The following MAP1B variants were observed in gnomAD, a reference collection of about 807,000 sequenced individuals.
MAP1B encodes the protein microtubule associated protein 1B.
MAP1B carries 12 observed loss-of-function variants against 176.1 expected under a neutral mutation model. The ratio of observed to expected loss-of-function variants is 0.07; its 90% CI spans 0.04 to 0.11. The LOEUF (loss-of-function observed/expected upper bound fraction) is 0.11. Ranked by LOEUF, MAP1B falls within the 10% of genes least tolerant of loss-of-function variation. The pLI is 1.00. For synonymous variants in MAP1B, 1,044 were observed against 1,135.0 expected, an observed-to-expected ratio of 0.92 and a Z score of 1.61; for missense variants, 2,523 against 2,990.5, an observed-to-expected ratio of 0.84 and a Z score of 3.65.
intron 1 of MAP1B, among the ~76,000 whole-genome samples, chr5:72,111,428 AG>A (rs1299501054): frequency 3.3e-5 from 5 of 152,218 alleles, no homozygotes; most frequent in South Asian, 2.1e-4. Flanking sequence ...TTTAGATAAA[AG>A]TTTAGCTGAT....
chr5:72,183,903 C>A, intron 3 of MAP1B, 78 bp downstream of exon 3: 1 of 1,227,188 alleles, frequency 8.1e-7, no homozygotes, highest in Non-Finnish European at 1.2e-6. Flanking sequence ...AAGGGCTGGG[C>A]AAATGGGGGC....
At chr5:72,116,456 A>T (rs930038297) in intron 2 of MAP1B, 4 of 421,212 alleles carry the variant, frequency 9.5e-6, no homozygotes, top group African/African-American at 6.2e-5. Flanking sequence ...AATTAAAGGT[A>T]AGGATGCAAA....
chr5:72,186,702 A>C lies in MAP1B; in HGVS notation c.458A>C (p.Gln153Pro). 6.2e-7 allele frequency: 1 copy of C among 1,614,098 alleles called. No homozygotes were observed. The stretch of plus-strand genomic sequence containing the variant: ...GAAAATACCGGAGAGCTCATTCTCC[A>C]GTCCGGCTCTTTCTCCTTCCAGAAC... ...CFENTGELIL[Q>P]SGSFSFQNFI... Residue 153 changes from glutamine to proline, a missense_variant, in exon 4 of 7, where the codon CAG becomes CCG. Around this residue, in one of 4 missense-constraint regions of MAP1B, gnomAD observed 307 missense variants for 438.4 expected, o/e 0.70. Transcript: ENST00000296755. The surrounding 1 kb of genome is among the most constrained non-coding windows in gnomAD (Gnocchi z 4.3).
At chr5:72,168,339 T>C (rs1746470269) in intron 2 of MAP1B, among the ~76,000 whole-genome samples, 1 of 152,218 alleles carries the variant, frequency 6.6e-6, no homozygotes, top group East Asian at 1.9e-4. Context: ...ATTTGGTCCA[T>C]TTTTCTCTAG....
At position 72,198,716 on chromosome 5, in the gene MAP1B, C is replaced by T; in HGVS notation, c.5361C>T (p.Leu1787=). 1.2e-6 allele frequency: 2 copies of T among 1,614,196 alleles called. No homozygotes were observed. The highest frequency in any genetic ancestry group is 1.7e-6 in the Non-Finnish European group (2 of 1,180,044). The change falls in exon 5 of 7, where the codon CTC becomes CTT. Residue 1787 remains leucine, a synonymous_variant. Coordinates refer to ENST00000296755, the MANE Select transcript of MAP1B (RefSeq NM_005909.5). ...CTCCAAAATCTGATATCTCTCCACTCACCCCACGAGAGTCCTCTCCTTTAT... is the reference window on the plus strand; with the variant it reads ...CTCCAAAATCTGATATCTCTCCACTTACCCCACGAGAGTCCTCTCCTTTAT... ...KLSPKSDISP[L]TPRESSPLYS... is the part of the protein sequence containing the mutation.
At chr5:72,162,392 TG>T (rs144086236) in intron 2 of MAP1B, among the ~76,000 whole-genome samples, 3 of 151,716 alleles carry the variant, frequency 2.0e-5, no homozygotes, top group Non-Finnish European at 2.9e-5. Context: ...GTAACATGAC[TG>T]GGGGGGCATC....
Position 72,198,978 on chromosome 5 carries a change from C to G in MAP1B, c.5623C>G (p.Pro1875Ala). The G allele has an allele frequency of 6.2e-7, 1 of 1,614,096 alleles. No individual in the cohort carries two copies. Among genetic ancestry groups the G allele is most frequent in the Non-Finnish European group, 8.5e-7 (1 of 1,180,004 alleles). The change falls in exon 5 of 7, where the codon CCT becomes GCT. Residue 1875 changes from proline (P) to alanine (A), a missense_variant. This residue lies in a region of MAP1B where 1,925 missense variants were observed against 2,126.0 expected (regional missense o/e 0.91). Coordinates refer to ENST00000296755, the MANE Select transcript of MAP1B (RefSeq NM_005909.5). ...PGDFSYAYQKPEETTRSPDEE... is the reference protein window; with the variant it reads ...PGDFSYAYQKAEETTRSPDEE... ...TGACTTTAGCTATGCCTATCAAAAGCCTGAGGAAACAACCAGGTCCCCAGA... is the reference window on the plus strand; with the variant it reads ...TGACTTTAGCTATGCCTATCAAAAGGCTGAGGAAACAACCAGGTCCCCAGA...
intron 2 of MAP1B, among the ~76,000 whole-genome samples, chr5:72,157,218 G>A (rs936080153): frequency 6.6e-6 from 1 of 152,056 alleles, no homozygotes; most frequent in African/African-American, 2.4e-5. Flanking sequence ...CAAAGATGTT[G>A]TTTTTCACTC....
chr5:72,158,629 A>G (rs1746273147), intron 2 of MAP1B, among the ~76,000 whole-genome samples: 1 of 152,200 alleles, frequency 6.6e-6, no homozygotes, highest in Non-Finnish European at 1.5e-5. Flanking sequence ...TGACAACTTG[A>G]AATTTTGGTG....
intron 1 of MAP1B, 119 bp downstream of exon 1, chr5:72,107,834 A>T (rs1745136132): frequency 1.0e-6 from 1 of 997,472 alleles, no homozygotes; most frequent in South Asian, 1.4e-5. Flanking sequence ...TCTCCTCGTC[A>T]CCTCTCATAC....
At chr5:72,182,226 A>G (rs758980293) in intron 2 of MAP1B, among the ~76,000 whole-genome samples, 20 of 152,170 alleles carry the variant, frequency 1.3e-4, no homozygotes, top group Non-Finnish European at 2.4e-4. Context: ...CCACTAAGCA[A>G]TAACTCCCCA....
intron 3 of MAP1B, among the ~76,000 whole-genome samples, chr5:72,184,505 A>C (rs1194226560): frequency 1.3e-5 from 2 of 152,222 alleles, no homozygotes; most frequent in African/African-American, 4.8e-5. Context: ...GCACATAATG[A>C]CTGAAATGTA....
intron 1 of MAP1B, among the ~76,000 whole-genome samples, chr5:72,109,541 G>A (rs896725614): frequency 5.3e-5 from 8 of 152,128 alleles, no homozygotes; most frequent in Non-Finnish European, 8.8e-5. Context: ...TATATTAGGA[G>A]GTGCTTTTCT....
intron 2 of MAP1B, among the ~76,000 whole-genome samples, chr5:72,127,448 A>G (rs908892121): frequency 5.3e-5 from 8 of 152,186 alleles, no homozygotes; most frequent in African/African-American, 1.9e-4. Context: ...AAAAACTTCA[A>G]TTTGTTCCAT....
chr5:72,174,668 AG>A lies in MAP1B; in HGVS notation c.287-9071del, dbSNP rs143523612. On this transcript the variant is annotated intron_variant, in intron 2 of 6. Coordinates refer to ENST00000296755, the MANE Select transcript of MAP1B (RefSeq NM_005909.5). Reference sequence around the variant, plus strand: ...GAGGAGACTCCTTTCTTGTGCGTTGAGGGGCATGTGTATTTTCCTTTGTCTG... The same window carrying A: ...GAGGAGACTCCTTTCTTGTGCGTTGAGGGCATGTGTATTTTCCTTTGTCTG... 7.0e-3 allele frequency among the ~76,000 whole-genome samples: 1,069 copies of A among 152,250 alleles called. 15 individuals carry two copies. Among genetic ancestry groups the A allele is most frequent in the African/African-American group, 0.024 (1,016 of 41,554 alleles).
At chr5:72,135,113 G>T (rs1044581433) in intron 2 of MAP1B, among the ~76,000 whole-genome samples, 2 of 151,450 alleles carry the variant, frequency 1.3e-5, no homozygotes, top group Admixed American at 1.3e-4. Context: ...GGGAGTTGTG[G>T]CCTCCTTTCA....
intron 2 of MAP1B, chr5:72,179,766 G>A (rs1746728947): frequency 1.0e-6 from 1 of 985,440 alleles, no homozygotes; most frequent in South Asian, 4.7e-5. Flanking sequence ...CTATAAAAAG[G>A]CTTTTGTTGA....
At chr5:72,161,754 C>T (rs1746327046) in intron 2 of MAP1B, among the ~76,000 whole-genome samples, 1 of 151,876 alleles carries the variant, frequency 6.6e-6, no homozygotes, top group African/African-American at 2.4e-5. Flanking sequence ...GTCAGGAGTT[C>T]CAGACCAGCC....
chr5:72,174,558 A>G (rs1374611727), intron 2 of MAP1B, among the ~76,000 whole-genome samples: 1 of 152,208 alleles, frequency 6.6e-6, no homozygotes, highest in Admixed American at 6.5e-5. Context: ...GATTTCTTAC[A>G]CTGTATGAGT....
Sources: gnomAD v4.1 joint callset for allele counts (sites outside exome capture counted in the v4.1 genomes callset) on GRCh38, gnomAD v4.1.1 for gene constraint, gnomAD v4.1.1 regional missense constraint, Gnocchi (gnomAD v3.1) non-coding constraint, MANE v1.5 for transcripts, NCBI Gene and HGNC (gene_info 2026-07-23, HGNC 2026-07-21) for gene names.